Variants in NEXMIF observed in about 807,000 individuals in gnomAD.
NEXMIF encodes neurite extension and migration factor, also known as XLMR protein related to neurite extension.
In NEXMIF, 8 loss-of-function variants were observed where a neutral mutation model predicts 62.1. That is an observed-to-expected ratio of 0.13 (90% CI 0.08 to 0.23). The LOEUF is 0.23. NEXMIF is among the 10% of genes least tolerant of loss of function. The probability of loss-of-function intolerance (pLI) is 1.00; values close to 1 mark genes in which losing one functional copy is unlikely to be tolerated. For missense variants in NEXMIF, 976 were observed against 1,113.3 expected, an observed-to-expected ratio of 0.88 and a Z score of 1.75; for synonymous variants, 404 against 416.6, an observed-to-expected ratio of 0.97 and a Z score of 0.37.
intron 1 of NEXMIF, among the ~76,000 whole-genome samples, chrX:74,882,819 T>C (rs1009611196): frequency 2.7e-5 from 3 of 112,168 alleles, no homozygotes; most frequent in Non-Finnish European, 5.6e-5. Context: ...AGCATGCAGC[T>C]TGAGATCTGA....
intron 1 of NEXMIF, among the ~76,000 whole-genome samples, chrX:74,823,160 CAG>C: frequency 9.0e-6 from 1 of 111,615 alleles, no homozygotes; most frequent in South Asian, 3.7e-4. Context: ...TATATAAAAA[CAG>C]AAAGTAAATT....
chrX:74,778,222 A>G (rs1416566041), intron 1 of NEXMIF, among the ~76,000 whole-genome samples: 1 of 111,801 alleles, frequency 8.9e-6, no homozygotes, highest in African/African-American at 3.3e-5. Flanking sequence ...CCCACTGTGC[A>G]TGGTGCCTGA....
chrX:74,779,236 G>A (rs780843123), intron 1 of NEXMIF, among the ~76,000 whole-genome samples: 24 of 112,287 alleles, frequency 2.1e-4, no homozygotes, highest in Admixed American at 1.2e-3. Flanking sequence ...TGAGTAAGAC[G>A]TAATCTGACC....
chrX:74,840,778 G>C (rs989427730), intron 1 of NEXMIF, among the ~76,000 whole-genome samples: 1 of 111,485 alleles, frequency 9.0e-6, no homozygotes, highest in Non-Finnish European at 1.9e-5. Context: ...GTTTGTCCAA[G>C]ATCAGATGGT....
rs1760282228 is a variant in NEXMIF, at chrX:74,737,122, C to T, written c.*2283G>A. 1 of 111,881 alleles carries T rather than the reference C, an allele frequency of 8.9e-6. No homozygotes were observed. Among genetic ancestry groups the T allele is most frequent in the Admixed American group, 9.6e-5 (1 of 10,450 alleles). 9.2% of individuals were successfully genotyped at this position (111,881 alleles called of 1,213,427 possible). On this transcript the variant is annotated 3_prime_UTR_variant, in exon 4 of 4. Coordinates refer to ENST00000055682, the MANE Select transcript of NEXMIF (RefSeq NM_001008537.3). Reference sequence around the variant, plus strand: ...TCTTTATTTTTTCATTAATTGCCACCTTTTCATTACATAGAAAGCACTCCA... The same window carrying T: ...TCTTTATTTTTTCATTAATTGCCACTTTTTCATTACATAGAAAGCACTCCA...
intron 1 of NEXMIF, among the ~76,000 whole-genome samples, chrX:74,924,244 C>A (rs1245103632): frequency 9.0e-6 from 1 of 111,690 alleles, no homozygotes; most frequent in Non-Finnish European, 1.9e-5. Flanking sequence ...AGAAGCCACA[C>A]AGAAAAGCGT....
intron 1 of NEXMIF, among the ~76,000 whole-genome samples, chrX:74,877,321 C>G (rs1422595883): frequency 1.8e-5 from 2 of 111,571 alleles, no homozygotes; most frequent in African/African-American, 6.5e-5. Context: ...ATATTGGCCC[C>G]CACTCTCTTC....
At position 74,743,554 on chromosome X, in the gene NEXMIF, A is replaced by T; in HGVS notation, c.1003T>A (p.Phe335Ile). 8.3e-7 allele frequency: 1 copy of T among 1,211,367 alleles called. No homozygotes were observed. Among genetic ancestry groups the T allele is most frequent in the Non-Finnish European group, 1.1e-6 (1 of 895,392 alleles). Residue 335 changes from phenylalanine to isoleucine, a missense_variant, in exon 3 of 4, where the codon TTC (phenylalanine) becomes ATC (isoleucine). By Grantham distance (21) the Phe-to-Ile change is conservative. Coordinates refer to ENST00000055682, the MANE Select transcript of NEXMIF (RefSeq NM_001008537.3). ...TTLLMQEDAQ[F>I]NFFPSVFTTC... ...GTAAAGACGCTGGGAAAAAAGTTGAATTGGGCATCTTCCTGCATCAAAAGA... is the reference window on the plus strand; with the variant it reads ...GTAAAGACGCTGGGAAAAAAGTTGATTTGGGCATCTTCCTGCATCAAAAGA...
chrX:74,744,526 C>T (rs1265397622), intron 2 of NEXMIF, 49 bp from the exon 3 acceptor site: 1 of 932,239 alleles, frequency 1.1e-6, no homozygotes, highest in Admixed American at 3.4e-5. Flanking sequence ...GAGTCTTAGA[C>T]CAGACTCATT....
intron 1 of NEXMIF, among the ~76,000 whole-genome samples, chrX:74,771,863 T>A (rs868679915): frequency 8.9e-6 from 1 of 111,884 alleles, no homozygotes; most frequent in Non-Finnish European, 1.9e-5. Flanking sequence ...GTACAGTACC[T>A]GGCTCATAGT....
intron 1 of NEXMIF, among the ~76,000 whole-genome samples, chrX:74,789,275 T>C (rs1438622181): frequency 9.4e-6 from 1 of 106,559 alleles, no homozygotes; most frequent in African/African-American, 3.4e-5. Context: ...TTTTCCAATT[T>C]CATCCATGTC....
At chrX:74,848,285 G>T (rs2676493) in intron 1 of NEXMIF, among the ~76,000 whole-genome samples, 6 of 112,160 alleles carry the variant, frequency 5.3e-5, no homozygotes, top group Non-Finnish European at 1.1e-4. Flanking sequence ...AGCTGGCAAG[G>T]AAGCCAGATG....
At chrX:74,808,618 T>C (rs999293492) in intron 1 of NEXMIF, among the ~76,000 whole-genome samples, 1 of 112,220 alleles carries the variant, frequency 8.9e-6, no homozygotes, top group African/African-American at 3.2e-5. Context: ...ACCTCAACTT[T>C]CTGGAAGCGA....
chrX:74,763,290 T>G (rs768269480), intron 1 of NEXMIF, among the ~76,000 whole-genome samples: 1 of 111,159 alleles, frequency 9.0e-6, no homozygotes, highest in African/African-American at 3.3e-5. Context: ...TGTGTGGTAT[T>G]ATTTCTGAGG....
intron 2 of NEXMIF, 71 bp downstream of exon 2, chrX:74,745,501 A>G: frequency 2.7e-6 from 2 of 743,648 alleles, no homozygotes; most frequent in Non-Finnish European, 4.2e-6. Flanking sequence ...CTTTGTGGGT[A>G]CTGAAAATCC....
At chrX:74,796,163 T>TATATATATATACATATAC (rs2080307308) in intron 1 of NEXMIF, among the ~76,000 whole-genome samples, 1 of 40,875 alleles carries the variant, frequency 2.4e-5, no homozygotes, top group Non-Finnish European at 5.6e-5. Context: ...ACATATATAT[T>TATATATATATACATATAC]ATATATATTA....
At position 74,737,328 on chromosome X, in the gene NEXMIF, A is replaced by C. The variant is rs1430844199; in HGVS notation, c.*2077T>G. 1 of 111,800 alleles carries C rather than the reference A, an allele frequency of 8.9e-6. No homozygotes were observed. The highest frequency in any genetic ancestry group is 3.3e-5 in the African/African-American group (1 of 30,743). The allele number at this position is 111,800 out of a possible 1,213,427, so 9.2% of individuals were successfully genotyped here. On this transcript the variant is annotated 3_prime_UTR_variant, in exon 4 of 4. Coordinates refer to ENST00000055682, the MANE Select transcript of NEXMIF (RefSeq NM_001008537.3). ...AGCATTTAGTACAGCTAGCTATCAG[A>C]ATAGAGAAATAGAAGAAGGTTTTCC...
chrX:74,891,420 T>C (rs767135948), intron 1 of NEXMIF, among the ~76,000 whole-genome samples: 18 of 110,125 alleles, frequency 1.6e-4, no homozygotes, highest in African/African-American at 5.6e-4. Context: ...GAGGTACAAA[T>C]ATTGTGTTTC....
chrX:74,887,630 TA>T (rs2080700775), intron 1 of NEXMIF, among the ~76,000 whole-genome samples: 1 of 110,196 alleles, frequency 9.1e-6, no homozygotes, highest in African/African-American at 3.3e-5. Context: ...TGGCAATCAT[TA>T]AAAAGTCAGG....
Sources: allele counts gnomAD v4.1 joint callset (sites outside exome capture counted in the v4.1 genomes callset), GRCh38; gene constraint gnomAD v4.1.1; transcripts MANE v1.5; gene names NCBI Gene and HGNC (gene_info 2026-07-23, HGNC 2026-07-21).